Variants in DOCK2 observed in about 807,000 individuals in gnomAD.
The protein encoded by DOCK2 is dedicator of cytokinesis protein 2.
Under a neutral mutation model 248.9 loss-of-function variants are expected in DOCK2, and 87 were observed. The observed-to-expected ratio is 0.35, with a 90% CI of 0.29 to 0.42. The LOEUF (loss-of-function observed/expected upper bound fraction) is 0.42. Ranked by LOEUF, DOCK2 falls within the 10% of genes least tolerant of loss-of-function variation. The pLI is 1.00. For synonymous variants in DOCK2, 805 were observed against 821.6 expected, an observed-to-expected ratio of 0.98 and a Z score of 0.35; for missense variants, 1,747 against 2,300.2, an observed-to-expected ratio of 0.76 and a Z score of 4.92.
At chr5:170,052,197 C>T (rs930602714) in intron 41 of DOCK2, among the ~76,000 whole-genome samples, 1 of 152,186 alleles carries the variant, frequency 6.6e-6, no homozygotes, top group African/African-American at 2.4e-5. Context: ...GGTAAATATT[C>T]ATCTGTAACC....
At chr5:169,900,208 G>T (rs182495308) in intron 27 of DOCK2, among the ~76,000 whole-genome samples, 1 of 152,182 alleles carries the variant, frequency 6.6e-6, no homozygotes, top group Non-Finnish European at 1.5e-5. Flanking sequence ...TTTAAGCAAG[G>T]TCAGGTATTG....
intron 22 of DOCK2, among the ~76,000 whole-genome samples, chr5:169,738,133 C>T (rs542792109): frequency 7.2e-5 from 11 of 152,162 alleles, no homozygotes; most frequent in African/African-American, 2.2e-4. Context: ...GATAGACTCT[C>T]GCACATTTGT....
intron 27 of DOCK2, among the ~76,000 whole-genome samples, chr5:169,852,777 C>G (rs929283947): frequency 6.6e-6 from 1 of 152,320 alleles, no homozygotes; most frequent in South Asian, 2.1e-4. Context: ...GCCTTTCAAT[C>G]TTTCCTGCAT....
chr5:169,711,236 T>A (rs1761566930), intron 15 of DOCK2, among the ~76,000 whole-genome samples: 1 of 152,180 alleles, frequency 6.6e-6, no homozygotes, highest in Non-Finnish European at 1.5e-5. Context: ...TAGCTAACCT[T>A]CTCCGCATTG....
chr5:169,997,890 G>A, intron 30 of DOCK2: 1 of 455,768 alleles, frequency 2.2e-6, no homozygotes, highest in Non-Finnish European at 4.4e-6. Context: ...CAGAAGCTGA[G>A]CAACTTCAGG....
At chr5:169,808,316 G>A (rs1767526781) in intron 26 of DOCK2, among the ~76,000 whole-genome samples, 1 of 152,158 alleles carries the variant, frequency 6.6e-6, no homozygotes, top group Non-Finnish European at 1.5e-5. Flanking sequence ...GGCGCTGTGT[G>A]TTTGGGGAAT....
chr5:169,786,913 G>A lies in DOCK2; in HGVS notation c.2555-16145G>A, dbSNP rs980258454. On this transcript the variant is annotated intron_variant, in intron 25 of 51. Coordinates refer to ENST00000520908, the MANE Select transcript of DOCK2 (RefSeq NM_004946.3). ...TAGCCACGACCCTTATCAAGATACA[G>A]TATATTTTCATTACCCAGAAAGTTA... Among the ~76,000 whole-genome samples, 14 of 152,202 alleles carry A rather than the reference G, an allele frequency of 9.2e-5. No homozygotes were observed. The East Asian group carries it at 2.7e-3, about 29-fold the overall frequency.
At chr5:170,067,427 C>T in intron 44 of DOCK2, 83 bp from the exon 45 acceptor site, 1 of 1,423,140 alleles carries the variant, frequency 7.0e-7, no homozygotes, top group South Asian at 1.3e-5. Flanking sequence ...ATTCCCACCC[C>T]AAGTGAAATC....
intron 36 of DOCK2, among the ~76,000 whole-genome samples, chr5:170,037,194 A>G (rs948266594): frequency 6.6e-6 from 1 of 151,758 alleles, no homozygotes; most frequent in Non-Finnish European, 1.5e-5. Context: ...CAAATGAAAT[A>G]AATTCCCATA....
intron 27 of DOCK2, among the ~76,000 whole-genome samples, chr5:169,978,510 A>AT (rs889161502): frequency 2.2e-4 from 33 of 151,862 alleles, no homozygotes; most frequent in African/African-American, 8.0e-4. Flanking sequence ...ATGATGATGA[A>AT]TTTTTTAATG....
At chr5:169,989,503 A>C (rs1778155690) in intron 29 of DOCK2, among the ~76,000 whole-genome samples, 1 of 152,216 alleles carries the variant, frequency 6.6e-6, no homozygotes, top group Admixed American at 6.5e-5. Context: ...GTTGTAGGCA[A>C]TGGACAGGCC....
At position 169,777,142 on chromosome 5, in the gene DOCK2, T is replaced by C. The variant is rs545208295; in HGVS notation, c.2554+15517T>C. On this transcript the variant is annotated intron_variant, in intron 25 of 51. Coordinates refer to ENST00000520908, the MANE Select transcript of DOCK2 (RefSeq NM_004946.3). ...TTTGTCCAGGTTTTGACTCTCCCTTTTCCCTACTTTTCAAACACAAAGGTG... is the reference window on the plus strand; with the variant it reads ...TTTGTCCAGGTTTTGACTCTCCCTTCTCCCTACTTTTCAAACACAAAGGTG... 1.7e-3 allele frequency among the ~76,000 whole-genome samples: 262 copies of C among 152,292 alleles called. 1 individual carries two copies. The highest frequency in any genetic ancestry group is 1.5e-3 in the Non-Finnish European group (104 of 68,020).
chr5:169,867,261 C>T (rs1264138681), intron 27 of DOCK2, among the ~76,000 whole-genome samples: 2 of 152,180 alleles, frequency 1.3e-5, no homozygotes, highest in Non-Finnish European at 2.9e-5. Context: ...CGGCCTTAGG[C>T]AGGTGACAGG....
At chr5:170,056,473 G>A (rs1490465591) in intron 42 of DOCK2, 2 of 519,160 alleles carry the variant, frequency 3.9e-6, no homozygotes, top group African/African-American at 3.9e-5. Flanking sequence ...CACAAGACCA[G>A]TCTACCTTCT....
Position 169,747,463 on chromosome 5 carries a change from A to G in DOCK2, c.2335A>G (p.Asn779Asp). Residue 779 changes from asparagine (N) to aspartate (D), a missense_variant, in exon 23 of 52, where the codon AAT becomes GAT. By Grantham distance (23) the Asn-to-Asp change is conservative (BLOSUM62 1). Transcript: ENST00000520908. ...GAGACGGCTCTTTGAATCCATCAAC[A>G]ATCTGATGAAAAGTCAATACAAAAC... The part of the protein sequence containing the change: ...SMRRLFESIN[N>D]LMKSQYKTTI... 1.9e-6 allele frequency: 3 copies of G among 1,613,888 alleles called. No individual in the cohort carries two copies. The highest frequency in any genetic ancestry group is 2.5e-6 in the Non-Finnish European group (3 of 1,179,876).
intron 27 of DOCK2, among the ~76,000 whole-genome samples, chr5:169,946,296 C>T (rs572941390): frequency 2.0e-5 from 3 of 152,276 alleles, no homozygotes; most frequent in South Asian, 2.1e-4. Flanking sequence ...CAGGGGTATC[C>T]GGAGGCAGGC....
At chr5:169,666,779 C>A (rs139797083) in intron 2 of DOCK2, among the ~76,000 whole-genome samples, 2 of 152,322 alleles carry the variant, frequency 1.3e-5, no homozygotes, top group African/African-American at 2.4e-5. Flanking sequence ...GGAATTTCTT[C>A]CCCACCTGTT....
At chr5:169,674,914 T>C (rs1759249498) in intron 6 of DOCK2, among the ~76,000 whole-genome samples, 1 of 152,160 alleles carries the variant, frequency 6.6e-6, no homozygotes. Flanking sequence ...TAAAAATTGG[T>C]TGGATTTGAA....
chr5:169,722,127 AT>A (rs140619293), intron 22 of DOCK2, among the ~76,000 whole-genome samples: 1,551 of 152,362 alleles, frequency 0.01, 18 homozygotes, highest in African/African-American at 0.035. Context: ...GGTATTGAGC[AT>A]TGTAAGGAAC....
Sources: gnomAD v4.1 joint callset for allele counts (sites outside exome capture counted in the v4.1 genomes callset) on GRCh38, gnomAD v4.1.1 for gene constraint, MANE v1.5 for transcripts, NCBI Gene and HGNC (gene_info 2026-07-23, HGNC 2026-07-21) for gene names.